NRXN1: variants seen among roughly 807,000 people sequenced by gnomAD.
NRXN1 encodes neurexin 1.
Under a neutral mutation model 150.9 loss-of-function variants are expected in NRXN1, and 39 were observed. The ratio of observed to expected loss-of-function variants is 0.26; its 90% CI spans 0.20 to 0.34. The LOEUF (loss-of-function observed/expected upper bound fraction) is 0.34. Among genes scored for constraint, NRXN1 ranks in the 10% least tolerant of loss-of-function variants. The probability of loss-of-function intolerance (pLI) is 1.00; values close to 1 mark genes in which losing one functional copy is unlikely to be tolerated. For synonymous variants in NRXN1, 924 were observed against 757.0 expected (o/e 1.22, Z -3.62); for missense variants, 1,815 against 1,949.9 (o/e 0.93, Z 1.30).
chr2:50,077,733 C>A (rs986226316), intron 19 of NRXN1, among the ~76,000 whole-genome samples: 1 of 152,070 alleles, frequency 6.6e-6, no homozygotes, highest in Non-Finnish European at 1.5e-5. Flanking sequence ...TGCTAAAATA[C>A]TTCATTGGAA....
chr2:49,942,525 A>G (rs1279009359), intron 22 of NRXN1, among the ~76,000 whole-genome samples: 4 of 152,246 alleles, frequency 2.6e-5, no homozygotes, highest in African/African-American at 2.4e-5. Flanking sequence ...GGTGATGTCA[A>G]TAGACACCAC....
chr2:50,034,812 T>A (rs903462145), intron 21 of NRXN1, among the ~76,000 whole-genome samples: 1 of 152,128 alleles, frequency 6.6e-6, no homozygotes, highest in East Asian at 1.9e-4. Context: ...TTTCTAAAAA[T>A]GTATTTTCTA....
chr2:50,911,654 A>C (rs372418486), intron 5 of NRXN1, among the ~76,000 whole-genome samples: 32 of 152,068 alleles, frequency 2.1e-4, no homozygotes, highest in African/African-American at 7.5e-4. Flanking sequence ...ACGTGAGCTC[A>C]GTATTTGCTG....
intron 5 of NRXN1, 68 bp downstream of exon 5, chr2:50,921,801 A>AATGCCAAAAGG (rs1429198032): frequency 6.7e-6 from 5 of 747,524 alleles, no homozygotes; most frequent in African/African-American, 1.8e-5. Flanking sequence ...GTCTAAATAC[A>AATGCCAAAAGG]TTTATGTAAC....
chr2:49,973,962 A>C (rs1467508327), intron 21 of NRXN1: 1 of 717,178 alleles, frequency 1.4e-6, no homozygotes, highest in Non-Finnish European at 2.6e-6. Flanking sequence ...TGACAGAAGA[A>C]GCTACCTGCA....
intron 5 of NRXN1, among the ~76,000 whole-genome samples, chr2:50,804,542 C>T (rs777180684): frequency 4.9e-4 from 75 of 152,296 alleles, no homozygotes; most frequent in Middle Eastern, 3.4e-3. Flanking sequence ...TTGTTTTCCA[C>T]ACTGATGCTT....
At chr2:50,375,322 A>T (rs2153023689) in intron 17 of NRXN1, among the ~76,000 whole-genome samples, 1 of 151,398 alleles carries the variant, frequency 6.6e-6, no homozygotes, top group Non-Finnish European at 1.5e-5. Context: ...ATACCAGCCA[A>T]ATACTTCCCA....
At chr2:50,911,460 A>C (rs1283377889) in intron 5 of NRXN1, among the ~76,000 whole-genome samples, 1 of 151,820 alleles carries the variant, frequency 6.6e-6, no homozygotes, top group African/African-American at 2.4e-5. Context: ...GTCTAATAAG[A>C]ATACTGTCTA....
At chr2:50,074,728 C>T (rs184009887) in intron 19 of NRXN1, among the ~76,000 whole-genome samples, 19 of 152,180 alleles carry the variant, frequency 1.2e-4, no homozygotes, top group Admixed American at 5.9e-4. Flanking sequence ...TACCATAGCC[C>T]AGGAAGAGTT....
chr2:50,177,318 G>T (rs1369323691), intron 18 of NRXN1, among the ~76,000 whole-genome samples: 1 of 151,956 alleles, frequency 6.6e-6, no homozygotes, highest in African/African-American at 2.4e-5. Context: ...AACTTAAAAG[G>T]TTTCATGCAC....
chr2:50,024,422 T>C (rs553976531), intron 21 of NRXN1, among the ~76,000 whole-genome samples: 1 of 152,326 alleles, frequency 6.6e-6, no homozygotes, highest in African/African-American at 2.4e-5. Flanking sequence ...GCCCTACTTT[T>C]CCTACCTTTA....
Position 50,257,893 on chromosome 2 carries a change from A to AT in NRXN1, c.3365-20924dup, listed in dbSNP as rs5831105. Reference sequence around the variant, plus strand: ...TTTTTATTGATAAAGTATCTGCACAATTTTTTTTTTGGTTTCCCAGTGCAT... The same window carrying AT: ...TTTTTATTGATAAAGTATCTGCACAATTTTTTTTTTTGGTTTCCCAGTGCAT... On this transcript the variant is annotated intron_variant, in intron 17 of 22. Transcript: ENST00000401669. Among the ~76,000 whole-genome samples the AT allele has an allele frequency of 3.0e-4, 45 of 150,840 alleles. No individual in the cohort carries two copies. The South Asian group carries it at 4.0e-3, about 13-fold the overall frequency.
intron 2 of NRXN1, among the ~76,000 whole-genome samples, chr2:51,022,969 C>G (rs1330782266): frequency 6.6e-6 from 1 of 152,180 alleles, no homozygotes; most frequent in Non-Finnish European, 1.5e-5. Flanking sequence ...GTACAATCCA[C>G]ATAAAGGGTT....
intron 18 of NRXN1, among the ~76,000 whole-genome samples, chr2:50,217,423 A>T (rs1308194681): frequency 6.6e-6 from 1 of 152,004 alleles, no homozygotes; most frequent in Non-Finnish European, 1.5e-5. Flanking sequence ...TGAGAAACTA[A>T]GTGATTAGAA....
At chr2:50,161,692 T>C (rs2688889) in intron 18 of NRXN1, among the ~76,000 whole-genome samples, 85,395 of 151,980 alleles carry the variant, frequency 0.56, 24,589 homozygotes, top group Middle Eastern at 0.65. Context: ...GTCAGCAGTA[T>C]GTTATATTCA....
intron 21 of NRXN1, among the ~76,000 whole-genome samples, chr2:50,038,505 C>T (rs900439784): frequency 4.6e-5 from 7 of 152,204 alleles, no homozygotes; most frequent in Non-Finnish European, 1.0e-4. Flanking sequence ...CCTACACACA[C>T]AGCTGAACCT....
intron 18 of NRXN1, among the ~76,000 whole-genome samples, chr2:50,138,299 T>A (rs973983029): frequency 3.3e-5 from 5 of 151,906 alleles, no homozygotes; most frequent in African/African-American, 1.2e-4. Flanking sequence ...TTTTGATGAG[T>A]TGGGGGTTAG....
chr2:50,788,861 A>G (rs1343752984), intron 5 of NRXN1, among the ~76,000 whole-genome samples: 1 of 151,624 alleles, frequency 6.6e-6, no homozygotes, highest in Non-Finnish European at 1.5e-5. Flanking sequence ...CATAAGCACT[A>G]TGATAAGGGT....
At chr2:50,201,053 T>C (rs1476952920) in intron 18 of NRXN1, among the ~76,000 whole-genome samples, 5 of 152,152 alleles carry the variant, frequency 3.3e-5, no homozygotes, top group African/African-American at 1.2e-4. Flanking sequence ...GAGGCCAGTA[T>C]TTTAATATCC....
Sources: allele counts gnomAD v4.1 joint callset (sites outside exome capture counted in the v4.1 genomes callset), GRCh38; gene constraint gnomAD v4.1.1; transcripts MANE v1.5; gene names NCBI Gene and HGNC (gene_info 2026-07-23, HGNC 2026-07-21).